The following PTPRD variants were observed in gnomAD, a reference collection of about 807,000 sequenced individuals.
PTPRD encodes receptor-type tyrosine-protein phosphatase delta.
Under a neutral mutation model 214.5 loss-of-function variants are expected in PTPRD, and 34 were observed. The ratio of observed to expected loss-of-function variants is 0.16; its 90% CI spans 0.12 to 0.21. The LOEUF is 0.21. PTPRD is among the 10% of genes least tolerant of loss of function. The pLI is 1.00. For missense variants in PTPRD, 2,545 were observed against 2,398.7 expected (o/e 1.06, Z -1.27); for synonymous variants, 1,128 against 845.7 (o/e 1.33, Z -5.79).
intron 5 of PTPRD, among the ~76,000 whole-genome samples, chr9:9,866,872 A>T (rs1461797570): frequency 6.6e-6 from 1 of 152,166 alleles, no homozygotes; most frequent in Non-Finnish European, 1.5e-5. Flanking sequence ...AGTGTTTCAA[A>T]TGTATCTAGA....
chr9:10,454,522 C>CTCACAGTA (rs1180375428), intron 2 of PTPRD, among the ~76,000 whole-genome samples: 2 of 151,700 alleles, frequency 1.3e-5, no homozygotes, highest in Non-Finnish European at 3.0e-5. Flanking sequence ...ACTATTGTAA[C>CTCACAGTA]TCACAGTAGA....
At chr9:10,552,944 T>C (rs1423897597) in intron 2 of PTPRD, among the ~76,000 whole-genome samples, 1 of 152,190 alleles carries the variant, frequency 6.6e-6, no homozygotes, top group Non-Finnish European at 1.5e-5. Flanking sequence ...TTGCTTGATA[T>C]AGTAGTCTTG....
At chr9:9,219,697 C>T (rs371964241) in intron 9 of PTPRD, among the ~76,000 whole-genome samples, 6 of 152,150 alleles carry the variant, frequency 3.9e-5, no homozygotes, top group African/African-American at 1.4e-4. Context: ...AAGGATTAGA[C>T]ATTGAGCACA....
chr9:9,863,231 G>A (rs894672517), intron 5 of PTPRD, among the ~76,000 whole-genome samples: 1 of 152,238 alleles, frequency 6.6e-6, no homozygotes, highest in East Asian at 1.9e-4. Context: ...AAAGGTTCAC[G>A]GACTAAGACA....
intron 13 of PTPRD, among the ~76,000 whole-genome samples, chr9:8,634,419 C>A (rs1247753609): frequency 2.0e-5 from 3 of 151,770 alleles, no homozygotes; most frequent in Non-Finnish European, 4.4e-5. Flanking sequence ...GAGATTGCCT[C>A]ATATATATAT....
chr9:10,187,002 T>A (rs2099335577), intron 3 of PTPRD, among the ~76,000 whole-genome samples: 1 of 152,126 alleles, frequency 6.6e-6, no homozygotes, highest in Admixed American at 6.6e-5. Context: ...GCTTTAATAT[T>A]TACAGAGCAT....
At chr9:9,740,786 G>A (rs1315653874) in intron 6 of PTPRD, among the ~76,000 whole-genome samples, 1 of 152,136 alleles carries the variant, frequency 6.6e-6, no homozygotes, top group African/African-American at 2.4e-5. Flanking sequence ...ACATGTTAAA[G>A]TAAATTCTCG....
chr9:8,331,897 TATAA>T (rs1841629083), intron 43 of PTPRD, among the ~76,000 whole-genome samples, 161 bp from the exon 44 acceptor site: 1 of 150,950 alleles, frequency 6.6e-6, no homozygotes, highest in South Asian at 2.1e-4. Flanking sequence ...GTTTATCTGC[TATAA>T]ATATTGTCCA....
chr9:9,030,257 C>T (rs1347418579), intron 10 of PTPRD, among the ~76,000 whole-genome samples: 1 of 127,794 alleles, frequency 7.8e-6, no homozygotes, highest in African/African-American at 2.9e-5. Context: ...GCCTTTGGAT[C>T]ACATGGGCCA....
At chr9:8,372,992 A>G (rs2134510591) in intron 39 of PTPRD, among the ~76,000 whole-genome samples, 1 of 152,176 alleles carries the variant, frequency 6.6e-6, no homozygotes, top group South Asian at 2.1e-4. Context: ...AGTACATAAT[A>G]AAAGAAATCA....
At chr9:8,460,715 G>A (rs1271016941) in intron 32 of PTPRD, 144 bp from the exon 33 acceptor site, 19 of 727,114 alleles carry the variant, frequency 2.6e-5, no homozygotes, top group African/African-American at 7.2e-5. Flanking sequence ...AGAGGGGAGG[G>A]GAGAGGAGAA....
chr9:8,768,624 C>G (rs2094948557), intron 11 of PTPRD, among the ~76,000 whole-genome samples: 2 of 151,980 alleles, frequency 1.3e-5, no homozygotes, highest in Non-Finnish European at 2.9e-5. Flanking sequence ...TGACACCCAG[C>G]TAAAAAGTAA....
chr9:9,874,139 A>C (rs947056676), intron 5 of PTPRD, among the ~76,000 whole-genome samples: 1 of 152,166 alleles, frequency 6.6e-6, no homozygotes, highest in Non-Finnish European at 1.5e-5. Context: ...AACAAAAAGA[A>C]GGGTAAATTA....
chr9:10,526,289 A>T (rs2054258363), intron 2 of PTPRD, among the ~76,000 whole-genome samples: 1 of 152,108 alleles, frequency 6.6e-6, no homozygotes, highest in Admixed American at 6.6e-5. Flanking sequence ...TCTGACAATA[A>T]TTTCTTGGGC....
chr9:8,590,141 G>T (rs1419851048), intron 14 of PTPRD, among the ~76,000 whole-genome samples: 1 of 151,962 alleles, frequency 6.6e-6, no homozygotes. Flanking sequence ...AATATGAGCT[G>T]GAATTGATTT....
intron 2 of PTPRD, among the ~76,000 whole-genome samples, chr9:10,542,192 T>G (rs1421864884): frequency 1.3e-5 from 2 of 152,142 alleles, no homozygotes; most frequent in African/African-American, 4.8e-5. Flanking sequence ...TAAACACAGC[T>G]GCTTTGTACT....
At chr9:9,744,399 G>C (rs539901615) in intron 6 of PTPRD, among the ~76,000 whole-genome samples, 3 of 152,082 alleles carry the variant, frequency 2.0e-5, no homozygotes, top group African/African-American at 7.2e-5. Flanking sequence ...TACCAATTTT[G>C]TTAGTTATTT....
At chr9:10,254,575 C>T (rs997856096) in intron 3 of PTPRD, among the ~76,000 whole-genome samples, 5 of 152,140 alleles carry the variant, frequency 3.3e-5, no homozygotes. Flanking sequence ...GAAGGCTGTG[C>T]TCAGTGACAA....
intron 11 of PTPRD, among the ~76,000 whole-genome samples, chr9:8,772,006 C>A (rs1350732079): frequency 2.6e-5 from 4 of 151,836 alleles, no homozygotes; most frequent in Admixed American, 2.6e-4. Flanking sequence ...AGATGGATAC[C>A]CCACCTACCC....
Sources: gnomAD v4.1 joint callset for allele counts (sites outside exome capture counted in the v4.1 genomes callset) on GRCh38, gnomAD v4.1.1 for gene constraint, MANE v1.5 for transcripts, NCBI Gene and HGNC (gene_info 2026-07-23, HGNC 2026-07-21) for gene names.